Variants in XPNPEP2 observed in about 807,000 individuals in gnomAD.
XPNPEP2 encodes the protein X-prolyl aminopeptidase 2.
In XPNPEP2, 64 loss-of-function variants were observed where a neutral mutation model predicts 59.8. The observed-to-expected ratio is 1.07, with a 90% confidence interval of 0.87 to 1.32. The LOEUF (loss-of-function observed/expected upper bound fraction) is 1.32, where lower values mean the gene tolerates loss of function less well. Ranked by LOEUF, XPNPEP2 falls within the 40% of genes most tolerant of loss-of-function variation. The pLI is 0.00. For synonymous variants in XPNPEP2, 235 were observed against 210.0 expected (o/e 1.12, Z -1.03); for missense variants, 575 against 546.8 (o/e 1.05, Z -0.51).
In XPNPEP2 at chrX:129,750,647, A is replaced by G. The variant is rs1003795428; in HGVS notation, c.739+78A>G. 6.0e-6 allele frequency: 5 copies of G among 832,674 alleles called. No individual in the cohort carries two copies. The African/African-American group carries it at 1.0e-4, about 17-fold the overall frequency. The allele number at this position is 832,674 out of a possible 1,213,427, so 68.6% of individuals were successfully genotyped here. Reference sequence around the variant, plus strand: ...AAGCCTCCCGGGCCCTGCAGCACAGAGCTAGCTCTTCCCCAAATAACCATG... The same window carrying G: ...AAGCCTCCCGGGCCCTGCAGCACAGGGCTAGCTCTTCCCCAAATAACCATG... On this transcript the variant is annotated intron_variant, in intron 8 of 20. Coordinates refer to ENST00000371106, the MANE Select transcript of XPNPEP2 (RefSeq NM_003399.6).
intron 18 of XPNPEP2, 33 bp from the exon 19 acceptor site, chrX:129,762,661 G>T (rs1926679657): frequency 8.4e-7 from 1 of 1,193,018 alleles, no homozygotes; most frequent in African/African-American, 1.7e-5. Flanking sequence ...CCCTCTCCCA[G>T]CTTAATGCCA....
At chrX:129,766,238 C>T (rs1408371005) in intron 19 of XPNPEP2, among the ~76,000 whole-genome samples, 1 of 111,942 alleles carries the variant, frequency 8.9e-6, no homozygotes, top group Non-Finnish European at 1.9e-5. Context: ...AGCTTCTGGT[C>T]TTGCACAGAA....
chrX:129,744,665 C>T (rs968550657), intron 3 of XPNPEP2, among the ~76,000 whole-genome samples: 2 of 112,216 alleles, frequency 1.8e-5, no homozygotes, highest in Non-Finnish European at 3.8e-5. Context: ...GGGCTAAGAA[C>T]GTTGGGTAAG....
intron 19 of XPNPEP2, among the ~76,000 whole-genome samples, chrX:129,766,499 T>C (rs1926753875): frequency 9.0e-6 from 1 of 110,823 alleles, no homozygotes; most frequent in South Asian, 3.8e-4. Context: ...AAGCCATCCA[T>C]TGCACCTGGC....
intron 4 of XPNPEP2, 52 bp from the exon 5 acceptor site, chrX:129,746,184 G>A (rs1299748155): frequency 9.1e-7 from 1 of 1,092,927 alleles, no homozygotes; most frequent in African/African-American, 1.8e-5. Context: ...ATCAGCTAAT[G>A]CCACGTTCCT....
intron 14 of XPNPEP2, among the ~76,000 whole-genome samples, chrX:129,757,843 GA>G (rs1172872516): frequency 7.2e-5 from 6 of 83,061 alleles, no homozygotes; most frequent in African/African-American, 1.0e-4. Flanking sequence ...AAGAAAGAAA[GA>G]AAGAAAGAAA....
At chrX:129,748,507 T>C (rs952560719) in intron 7 of XPNPEP2, among the ~76,000 whole-genome samples, 2 of 112,076 alleles carry the variant, frequency 1.8e-5, no homozygotes, top group Admixed American at 9.4e-5. Flanking sequence ...CCTAGTAACA[T>C]TGATCAAGCC....
At chrX:129,761,129 C>T (rs777744045) in intron 16 of XPNPEP2, 43 bp from the exon 17 acceptor site, 8 of 1,164,378 alleles carry the variant, frequency 6.9e-6, no homozygotes, top group East Asian at 3.0e-5. Flanking sequence ...GGACAGTCTT[C>T]GGTAAAGCCA....
At chrX:129,751,591 A>T (rs373374303) in intron 8 of XPNPEP2, among the ~76,000 whole-genome samples, 154 bp from the exon 9 acceptor site, 1 of 54,762 alleles carries the variant, frequency 1.8e-5, no homozygotes, top group African/African-American at 7.8e-5. Flanking sequence ...AGAAAGAAAG[A>T]AAGAAAGGAA....
chrX:129,762,197 T>C, intron 18 of XPNPEP2, 132 bp downstream of exon 18: 2 of 641,543 alleles, frequency 3.1e-6, no homozygotes, highest in Non-Finnish European at 4.9e-6. Flanking sequence ...CACCTCCCCA[T>C]TCCCACCGCT....
intron 10 of XPNPEP2, among the ~76,000 whole-genome samples, chrX:129,752,772 A>G (rs1376942314): frequency 1.8e-5 from 2 of 112,348 alleles, no homozygotes; most frequent in African/African-American, 6.5e-5. Context: ...TGACTGACAC[A>G]TGGTAGTGTC....
chrX:129,745,367 C>T, intron 4 of XPNPEP2, 101 bp downstream of exon 4: 1 of 975,445 alleles, frequency 1.0e-6, no homozygotes, highest in Non-Finnish European at 1.4e-6. Flanking sequence ...GACCCCAGAA[C>T]CTACTGTAGA....
At position 129,768,574 on chromosome X, in the gene XPNPEP2, G is replaced by T. The variant is rs1926796739; in HGVS notation, c.*89G>T. 25 of 818,078 alleles carry T rather than the reference G, an allele frequency of 3.1e-5. No individual in the cohort carries two copies. The highest frequency in any genetic ancestry group is 4.1e-5 in the Non-Finnish European group (25 of 616,290). 67.4% of individuals were successfully genotyped at this position (818,078 alleles called of 1,213,427 possible). A position where few individuals can be genotyped will look rare whatever the true frequency, so the allele number is the denominator to read the frequency against. ...ACCCTGCACTGAACATACCCCAAGAGCCCCTGCTGGCCCATTGCCTAGAAA... is the reference window on the plus strand; with the variant it reads ...ACCCTGCACTGAACATACCCCAAGATCCCCTGCTGGCCCATTGCCTAGAAA... On this transcript the variant is annotated 3_prime_UTR_variant, in exon 21 of 21. Transcript: ENST00000371106.
Position 129,752,185 on chromosome X carries a change from C to T in XPNPEP2, c.857C>T (p.Thr286Ile). The T allele has an allele frequency of 8.4e-7, 1 of 1,184,564 alleles. No homozygotes were observed. The highest frequency in any genetic ancestry group is 1.1e-6 in the Non-Finnish European group (1 of 878,969). The change falls in exon 10 of 21, where the codon ACC becomes ATC. Residue 286 changes from threonine (T) to isoleucine (I), a missense_variant. By Grantham distance (89) the Thr-to-Ile change is moderately conservative. Transcript: ENST00000371106. ...AACAAGAGTCGCTTTAGCTCCGAAA[C>T]CTTGAGCTATCTGAACTCCAGTTGC... is the stretch of plus-strand genomic sequence containing the variant. ...FANKSRFSSE[T>I]LSYLNSSCTG...
chrX:129,745,360 C>A, intron 4 of XPNPEP2, 94 bp downstream of exon 4: 1 of 1,006,995 alleles, frequency 9.9e-7, no homozygotes, highest in Non-Finnish European at 1.4e-6. Context: ...CATCTGGGAC[C>A]CCAGAACCTA....
At position 129,760,596 on chromosome X, in the gene XPNPEP2, C is replaced by T; in HGVS notation, c.1498+15C>T. ...TGCTACATCAGGTGGGTTTCAGAAA[C>T]CAGTCTGGACACAGCCTCAGGCCCT... On this transcript the variant is annotated intron_variant, in intron 16 of 20. Transcript: ENST00000371106. The T allele has an allele frequency of 8.3e-7, 1 of 1,206,685 alleles. No homozygotes were observed. Among genetic ancestry groups the T allele is most frequent in the South Asian group, 1.8e-5 (1 of 56,655 alleles).
chrX:129,763,523 T>A (rs5932680), intron 19 of XPNPEP2, among the ~76,000 whole-genome samples: 22,365 of 108,775 alleles, frequency 0.21, 1,814 homozygotes, highest in East Asian at 0.28. Context: ...CAAAAAAAAA[T>A]TAGCTGCACA....
rs1926501534 is a variant in XPNPEP2 at position 129,755,450 on chromosome X, G to C, written c.1295+79G>C. The C allele has an allele frequency of 1.1e-5, 11 of 981,899 alleles. No homozygotes were observed. The South Asian group carries it at 2.2e-4, about 20-fold the overall frequency. 80.9% of individuals were successfully genotyped at this position (981,899 alleles called of 1,213,427 possible). ...TGTAGAGGAACAGGGTGAGGGGAGG[G>C]GGATGTTCTGGGACCTGAGTCCACG... On this transcript the variant is annotated intron_variant, in intron 13 of 20. Coordinates refer to ENST00000371106, the MANE Select transcript of XPNPEP2 (RefSeq NM_003399.6).
intron 19 of XPNPEP2, among the ~76,000 whole-genome samples, chrX:129,767,107 G>T (rs750282167): frequency 9.0e-6 from 1 of 111,205 alleles, no homozygotes; most frequent in Non-Finnish European, 1.9e-5. Context: ...CCAGCTACTT[G>T]GAAGGCTGAG....
Sources: allele counts gnomAD v4.1 joint callset (sites outside exome capture counted in the v4.1 genomes callset), GRCh38; gene constraint gnomAD v4.1.1; transcripts MANE v1.5; gene names NCBI Gene and HGNC (gene_info 2026-07-23, HGNC 2026-07-21).